Variants in FAM110C observed in about 807,000 individuals in gnomAD.
FAM110C encodes protein FAM110C.
In FAM110C, 19 loss-of-function variants were observed where a neutral mutation model predicts 15.7. The observed-to-expected ratio is 1.21, with a 90% CI of 0.85 to 1.78. FAM110C has a LOEUF of 1.78. Among genes scored for constraint, FAM110C ranks in the 40% most tolerant of loss-of-function variants. The pLI is 0.00. For synonymous variants in FAM110C, 275 were observed against 233.9 expected (o/e 1.18, Z -1.61); for missense variants, 547 against 495.7 (o/e 1.10, Z -0.98).
rs898299022 is a variant in FAM110C, at chr2:46,297, C to T, written c.89G>A (p.Arg30Gln). Reference sequence around the variant, plus strand: ...CTCCACTGCGCTCCTGCGCGCCGGCCGCGCGGCGTCGGGGTCCCGGGTAGC... The same window carrying T: ...CTCCACTGCGCTCCTGCGCGCCGGCTGCGCGGCGTCGGGGTCCCGGGTAGC... ...PAATRDPDAA[R>Q]PARRSAVERL... The change falls in exon 1 of 2, where the codon CGG (arginine) becomes CAG (glutamine). Residue 30 changes from arginine to glutamine, a missense_variant. Arg to Gln is a conservative substitution (Grantham distance 43). Coordinates refer to ENST00000327669, the MANE Select transcript of FAM110C (RefSeq NM_001077710.3). 1.2e-4 allele frequency: 166 copies of T among 1,340,112 alleles called. No homozygotes were observed. The African/African-American group carries it at 2.4e-3, about 19-fold the overall frequency. The allele number at this position is 1,340,112 out of a possible 1,614,324, so 83.0% of individuals were successfully genotyped here.
intron 1 of FAM110C, chr2:42,174 G>A: frequency 1.0e-6 from 1 of 985,416 alleles, no homozygotes; most frequent in Non-Finnish European, 1.2e-6. Context: ...GAAAGGAAAA[G>A]AAAGCTGGAT....
chr2:45,516 G>T lies in FAM110C; in HGVS notation c.870C>A (p.Asn290Lys), dbSNP rs376346156. The T allele has an allele frequency of 1.9e-6, 3 of 1,614,136 alleles. No homozygotes were observed. Among genetic ancestry groups the T allele is most frequent in the Middle Eastern group, 1.6e-4 (1 of 6,062 alleles). Residue 290 changes from asparagine to lysine, a missense_variant, in exon 1 of 2, where the codon AAC becomes AAA. Transcript: ENST00000327669. ...TGTACAGCCACTTGATGATGCGGGC[G>T]TTCCTCTCGATGACCGAAGTGGTGC... ...VPSTTSVIER[N>K]ARIIKWLYTC...
rs972906928 is a variant in FAM110C, at chr2:42,311, G to T, written c.947-684C>A. ...AAGGATAAATGTGAAGATAGCTGTG[G>T]AATTGTCCGAACATTTTTGCCTTGA... On this transcript the variant is annotated intron_variant, in intron 1 of 1. Transcript: ENST00000327669. 1.3e-5 allele frequency: 13 copies of T among 985,250 alleles called. No individual in the cohort carries two copies. The African/African-American group carries it at 2.1e-4, about 16-fold the overall frequency. The allele number at this position is 985,250 out of a possible 1,614,324, so 61.0% of individuals were successfully genotyped here. A position where few individuals can be genotyped will look rare whatever the true frequency, so the allele number is the denominator to read the frequency against.
chr2:44,974 C>T (rs1401106521), intron 1 of FAM110C: 1 of 985,256 alleles, frequency 1.0e-6, no homozygotes, highest in Non-Finnish European at 1.2e-6. Flanking sequence ...GCAGCGCCTA[C>T]CTAGGGCTGC....
chr2:43,376 G>A (rs1664180359), intron 1 of FAM110C: 1 of 985,408 alleles, frequency 1.0e-6, no homozygotes, highest in Non-Finnish European at 1.2e-6. Context: ...TTCAGGTGGA[G>A]GGAGACATGA....
chr2:45,418 C>A (rs1262651498), intron 1 of FAM110C, 22 bp downstream of exon 1: 3 of 1,589,512 alleles, frequency 1.9e-6, no homozygotes, highest in Non-Finnish European at 8.6e-7. Context: ...CCAGCCCCGC[C>A]CCCAGCCTTC....
In FAM110C at chr2:46,337, G is replaced by A; in HGVS notation, c.49C>T (p.Pro17Ser). ...LSAPPNERLL[P>S]RDPAATRDPD... ...TCCCGGGTAGCCGCGGGGTCCCGGG[G>A]AAGGAGCCGCTCGTTCGGGGGCGCG... Residue 17 changes from proline (P) to serine (S), a missense_variant, in exon 1 of 2, where the codon CCC (proline) becomes TCC (serine). Coordinates refer to ENST00000327669, the MANE Select transcript of FAM110C (RefSeq NM_001077710.3). 3.0e-6 allele frequency: 4 copies of A among 1,315,030 alleles called. No homozygotes were observed. Among genetic ancestry groups the A allele is most frequent in the Non-Finnish European group, 2.9e-6 (3 of 1,037,398 alleles). The allele number at this position is 1,315,030 out of a possible 1,614,324, so 81.5% of individuals were successfully genotyped here.
chr2:45,666 C>T lies in FAM110C; in HGVS notation c.720G>A (p.Gly240=), dbSNP rs538322473. ...GCACCTTGAGGGTCACACAGTCCGA[C>T]CCCGCGGTGAAGTTCTCCCTCCCCA... ...EALGRENFTA[G]SDCVTLKVRS... is the part of the protein sequence containing the mutation. Residue 240 remains glycine, a synonymous_variant, in exon 1 of 2, where the codon GGG becomes GGA. Transcript: ENST00000327669. 8 of 1,609,300 alleles carry T rather than the reference C, an allele frequency of 5.0e-6. No individual in the cohort carries two copies. The highest frequency in any genetic ancestry group is 6.8e-6 in the Non-Finnish European group (8 of 1,178,254).
At chr2:41,966 C>T (rs1354242588) in intron 1 of FAM110C, 8 of 985,186 alleles carry the variant, frequency 8.1e-6, no homozygotes, top group Non-Finnish European at 9.6e-6. Flanking sequence ...CAGAGTTGGA[C>T]AACAAAATAG....
At position 40,651 on chromosome 2, in the gene FAM110C, G is replaced by C. The variant is rs878939739; in HGVS notation, c.*957C>G. On this transcript the variant is annotated 3_prime_UTR_variant, in exon 2 of 2. Coordinates refer to ENST00000327669, the MANE Select transcript of FAM110C (RefSeq NM_001077710.3). Reference sequence around the variant, plus strand: ...TTGGTGTCAAATTTGGGTTGATTACGTCATATGTGGAGGTGTGAGTCAGAT... The same window carrying C: ...TTGGTGTCAAATTTGGGTTGATTACCTCATATGTGGAGGTGTGAGTCAGAT... The C allele has an allele frequency of 2.6e-5, 4 of 152,154 alleles. No homozygotes were observed. The highest frequency in any genetic ancestry group is 7.2e-5 in the African/African-American group (3 of 41,426). The allele number at this position is 152,154 out of a possible 1,614,324, so 9.4% of individuals were successfully genotyped here.
rs768705817 is a variant in FAM110C, at chr2:45,762, A to G, written c.624T>C (p.Tyr208=). 5.5e-5 allele frequency: 87 copies of G among 1,582,360 alleles called. No individual in the cohort carries two copies. Among genetic ancestry groups the G allele is most frequent in the Non-Finnish European group, 7.3e-5 (85 of 1,166,586 alleles). ...TGTCAGACTCGGCCAAGGCAGCGGAATAGCGGGAGCTGAGGTCCGACTGTG... is the reference window on the plus strand; with the variant it reads ...TGTCAGACTCGGCCAAGGCAGCGGAGTAGCGGGAGCTGAGGTCCGACTGTG... The part of the protein sequence containing the change: ...QRSQSDLSSR[Y]SAALAESDTF... The change falls in exon 1 of 2, where the codon TAT becomes TAC. Residue 208 remains tyrosine (Y), a synonymous_variant. Coordinates refer to ENST00000327669, the MANE Select transcript of FAM110C (RefSeq NM_001077710.3).
Position 45,900 on chromosome 2 carries a change from G to A in FAM110C, c.486C>T (p.Pro162=), listed in dbSNP as rs759859011. 16 of 1,417,578 alleles carry A rather than the reference G, an allele frequency of 1.1e-5. No individual in the cohort carries two copies. The highest frequency in any genetic ancestry group is 1.3e-5 in the Non-Finnish European group (14 of 1,100,086). The allele number at this position is 1,417,578 out of a possible 1,614,324, so 87.8% of individuals were successfully genotyped here. A position where few individuals can be genotyped will look rare whatever the true frequency, so the allele number is the denominator to read the frequency against. The stretch of plus-strand genomic sequence containing the variant: ...CTGGGGCTGGGGTCTCGGGGATTGC[G>A]GGGTCCGCCGCGGGGCCAGGAGTGG... ...VPTTPGPAAD[P]AIPETPAPAA... is the part of the protein sequence containing the mutation. Residue 162 remains proline (P), a synonymous_variant, in exon 1 of 2, where the codon CCC becomes CCT. Coordinates refer to ENST00000327669, the MANE Select transcript of FAM110C (RefSeq NM_001077710.3).
rs1473693474 is a variant in FAM110C, at chr2:39,151, A to C, written c.*2457T>G. ...GTCACTATTGCCCATTCTTGTGGGA[A>C]GCAATCGCAAGCTTTTCATCCCGAC... On this transcript the variant is annotated 3_prime_UTR_variant, in exon 2 of 2. Transcript: ENST00000327669. 1.3e-5 allele frequency: 2 copies of C among 152,264 alleles called. No homozygotes were observed. The highest frequency in any genetic ancestry group is 2.9e-5 in the Non-Finnish European group (2 of 68,050). 9.4% of individuals were successfully genotyped at this position (152,264 alleles called of 1,614,324 possible).
In FAM110C at chr2:41,567, G is replaced by A; in HGVS notation, c.*41C>T. The A allele has an allele frequency of 1.2e-6, 2 of 1,612,936 alleles. No homozygotes were observed. Among genetic ancestry groups the A allele is most frequent in the Non-Finnish European group, 1.7e-6 (2 of 1,179,418 alleles). On this transcript the variant is annotated 3_prime_UTR_variant, in exon 2 of 2. Coordinates refer to ENST00000327669, the MANE Select transcript of FAM110C (RefSeq NM_001077710.3). The stretch of plus-strand genomic sequence containing the variant: ...CTAGGCACACTAGCCAAATGGTCCT[G>A]GGATCCCAAATCACCCATGAAATCC...
Position 40,086 on chromosome 2 carries a change from A to G in FAM110C, c.*1522T>C, listed in dbSNP as rs994967451. ...AGTACTGAGTACTGAATTGAGTGGC[A>G]AACACTCCACTTGCAGTCAATGAAA... On this transcript the variant is annotated 3_prime_UTR_variant, in exon 2 of 2. Transcript: ENST00000327669. 17 of 152,194 alleles carry G rather than the reference A, an allele frequency of 1.1e-4. No homozygotes were observed. Among genetic ancestry groups the G allele is most frequent in the African/African-American group, 4.1e-4 (17 of 41,450 alleles). The allele number at this position is 152,194 out of a possible 1,614,324, so 9.4% of individuals were successfully genotyped here.
At position 39,272 on chromosome 2, in the gene FAM110C, T is replaced by G. The variant is rs1333663315; in HGVS notation, c.*2336A>C. On this transcript the variant is annotated 3_prime_UTR_variant, in exon 2 of 2. Transcript: ENST00000327669. Reference sequence around the variant, plus strand: ...TCTTTAGTTTTACTTTTTATATATATTTTTAGAGACAGGGTCTTGCTCTGT... The same window carrying G: ...TCTTTAGTTTTACTTTTTATATATAGTTTTAGAGACAGGGTCTTGCTCTGT... 6.6e-6 allele frequency: 1 copy of G among 152,196 alleles called. No individual in the cohort carries two copies. Among genetic ancestry groups the G allele is most frequent in the Non-Finnish European group, 1.5e-5 (1 of 68,044 alleles). The allele number at this position is 152,196 out of a possible 1,614,324, so 9.4% of individuals were successfully genotyped here. A position where few individuals can be genotyped will look rare whatever the true frequency, so the allele number is the denominator to read the frequency against.
chr2:44,444 C>G, intron 1 of FAM110C: 1 of 985,370 alleles, frequency 1.0e-6, no homozygotes, highest in Non-Finnish European at 1.2e-6. Flanking sequence ...TGCATCTTCA[C>G]TTAGTTTATC....
In FAM110C at chr2:46,407, C is replaced by A; in HGVS notation, c.-22G>T. The stretch of plus-strand genomic sequence containing the variant: ...GCATCTTCGCGGGGAATGGACCGAC[C>A]GGGGTTCCGGGTCCAGCGGAGACGC... On this transcript the variant is annotated 5_prime_UTR_variant, in exon 1 of 2. Transcript: ENST00000327669. 7.9e-7 allele frequency: 1 copy of A among 1,261,450 alleles called. No homozygotes were observed. Among genetic ancestry groups the A allele is most frequent in the Non-Finnish European group, 1.0e-6 (1 of 1,003,626 alleles). 78.1% of individuals were successfully genotyped at this position (1,261,450 alleles called of 1,614,324 possible).
chr2:45,448 C>T lies in FAM110C; in HGVS notation c.938G>A (p.Arg313Gln), dbSNP rs1471519058. ...GCCTTCTGGGCACACACCTCGGGTC[C>T]GGCTCTGCTCCTGGCTGGGGGTCTC... ...AKETPSQEQSRTRGSKPSR is the reference protein window; with the variant it reads ...AKETPSQEQSQTRGSKPSR Residue 313 changes from arginine to glutamine, a missense_variant, in exon 1 of 2, where the codon CGG becomes CAG. Arg to Gln is a conservative substitution (Grantham distance 43, BLOSUM62 1). Coordinates refer to ENST00000327669, the MANE Select transcript of FAM110C (RefSeq NM_001077710.3). The T allele has an allele frequency of 6.2e-7, 1 of 1,608,930 alleles. No homozygotes were observed. Among genetic ancestry groups the T allele is most frequent in the Non-Finnish European group, 8.5e-7 (1 of 1,176,426 alleles).
Sources: gnomAD v4.1 joint callset for allele counts on GRCh38, gnomAD v4.1.1 for gene constraint, MANE v1.5 for transcripts, NCBI Gene and HGNC (gene_info 2026-07-23, HGNC 2026-07-21) for gene names.